The following NADSYN1 variants were observed in gnomAD, a reference collection of about 807,000 sequenced individuals.
NADSYN1 encodes glutamine-dependent NAD(+) synthetase.
A neutral mutation model predicts 99.3 loss-of-function variants in NADSYN1; 80 were observed. That is an observed-to-expected ratio of 0.81 (90% CI 0.67 to 0.97). NADSYN1 has a LOEUF of 0.97. Ranked by LOEUF, NADSYN1 falls within the 50% of genes least tolerant of loss-of-function variation. The probability of loss-of-function intolerance (pLI) is 0.00; values close to 1 mark genes in which losing one functional copy is unlikely to be tolerated. For missense variants in NADSYN1, 859 were observed against 948.5 expected (o/e 0.91, Z 1.24); for synonymous variants, 385 against 372.1 (o/e 1.03, Z -0.40).
intron 7 of NADSYN1, 43 bp from the exon 8 acceptor site, chr11:71,473,511 GGGAGGCTGGTTTGGA>G (rs1949643087): frequency 6.4e-7 from 1 of 1,553,394 alleles, no homozygotes; most frequent in African/African-American, 1.4e-5. Flanking sequence ...GGGGCTGCCA[GGGAGGCTGGTTTGGA>G]GGAGTCTGGT....
intron 5 of NADSYN1, among the ~76,000 whole-genome samples, chr11:71,471,113 G>A (rs1048953473): frequency 6.6e-6 from 1 of 152,142 alleles, no homozygotes. Context: ...TAAGTGTGGG[G>A]CTCCTGTTCC....
intron 15 of NADSYN1, chr11:71,484,866 C>A: frequency 5.0e-6 from 1 of 199,512 alleles, no homozygotes; most frequent in East Asian, 1.2e-4. Context: ...CTTGTGAGTG[C>A]TTGTGCAAAA....
rs1308524528 is a variant in NADSYN1 at position 71,472,480 on chromosome 11, A to G, written c.439A>G (p.Ile147Val). The change falls in exon 6 of 21, where the codon ATA (isoleucine) becomes GTA (valine). Residue 147 changes from isoleucine to valine, a missense_variant. Physicochemically the swap from Ile to Val is conservative, Grantham distance 29 (BLOSUM62 3). Coordinates refer to ENST00000319023, the MANE Select transcript of NADSYN1 (RefSeq NM_018161.5). ...AGAGGAGTACTTTCTGCCTCGGATGATACAGGACCTGACAAAGCAGGTGAG... is the reference window on the plus strand; with the variant it reads ...AGAGGAGTACTTTCTGCCTCGGATGGTACAGGACCTGACAAAGCAGGTGAG... Reference protein sequence around the residue: ...HTEEYFLPRMIQDLTKQETVP... With the variant: ...HTEEYFLPRMVQDLTKQETVP... 3.6e-5 allele frequency: 58 copies of G among 1,613,882 alleles called. No individual in the cohort carries two copies. Among genetic ancestry groups the G allele is most frequent in the Non-Finnish European group, 4.9e-5 (58 of 1,179,768 alleles).
Position 71,480,766 on chromosome 11 carries a change from G to A in NADSYN1, c.885G>A (p.Ala295=), listed in dbSNP as rs140126726. The A allele has an allele frequency of 2.2e-4, 355 of 1,614,118 alleles. No individual in the cohort carries two copies. In the African/African-American group the frequency reaches 2.5e-3, roughly 12 times the overall value. Residue 295 remains alanine (A), a synonymous_variant, in exon 11 of 21, where the codon GCG becomes GCA. Coordinates refer to ENST00000319023, the MANE Select transcript of NADSYN1 (RefSeq NM_018161.5). ...ATCTCCATTGCCAGGCCAGCAGGGCGAGCCCCTACCCCAGAGTGAAGGTGG... is the reference window on the plus strand; with the variant it reads ...ATCTCCATTGCCAGGCCAGCAGGGCAAGCCCCTACCCCAGAGTGAAGGTGG... The part of the protein sequence containing the change: ...ISSRNLAASR[A]SPYPRVKVDF...
At chr11:71,499,287 C>T (rs984384429) in intron 20 of NADSYN1, 10 of 152,184 alleles carry the variant, frequency 6.6e-5, no homozygotes, top group African/African-American at 2.4e-4. Flanking sequence ...GAGTTCATTT[C>T]CTGTCAGTTA....
intron 3 of NADSYN1, 128 bp downstream of exon 3, chr11:71,458,672 G>T: frequency 1.4e-6 from 1 of 699,752 alleles, no homozygotes; most frequent in Non-Finnish European, 2.5e-6. Context: ...AAGGCCTTAT[G>T]CTTGAAAAGT....
intron 20 of NADSYN1, among the ~76,000 whole-genome samples, chr11:71,500,693 G>T (rs1224528662): frequency 1.3e-5 from 2 of 152,196 alleles, no homozygotes; most frequent in African/African-American, 4.8e-5. Context: ...TGACTTAGAG[G>T]GTGGAAGGGA....
Position 71,482,869 on chromosome 11 carries a change from G to A in NADSYN1, c.1171G>A (p.Val391Ile), listed in dbSNP as rs1196020941. ...RSGNEEVLAD[V>I]RTIVNQISYT... ...TTCAGATGAGGAAGTGCTGGCTGATGTCCGCACCATCGTGAACCAGATCAG... is the reference window on the plus strand; with the variant it reads ...TTCAGATGAGGAAGTGCTGGCTGATATCCGCACCATCGTGAACCAGATCAG... Residue 391 changes from valine (V) to isoleucine (I), a missense_variant, in exon 14 of 21, where the codon GTC becomes ATC. Val to Ile is a conservative substitution (Grantham distance 29). Transcript: ENST00000319023. The A allele has an allele frequency of 6.2e-7, 1 of 1,612,628 alleles. No individual in the cohort carries two copies.
At chr11:71,485,760 CT>C in intron 16 of NADSYN1, 112 bp downstream of exon 16, 1 of 767,558 alleles carries the variant, frequency 1.3e-6, no homozygotes, top group Non-Finnish European at 2.0e-6. Context: ...GGTTTGGTGC[CT>C]GGAATGACAT....
chr11:71,498,563 T>C, intron 20 of NADSYN1, 35 bp downstream of exon 20: 1 of 1,605,784 alleles, frequency 6.2e-7, no homozygotes, highest in Non-Finnish European at 8.5e-7. Context: ...TCTCCATGTT[T>C]CATGTCTGTA....
At chr11:71,494,076 G>A (rs972540552) in intron 18 of NADSYN1, among the ~76,000 whole-genome samples, 1 of 152,180 alleles carries the variant, frequency 6.6e-6, no homozygotes, top group African/African-American at 2.4e-5. Context: ...AAATATATTT[G>A]TATTAATTGA....
At chr11:71,455,675 C>G (rs1399427210) in intron 2 of NADSYN1, among the ~76,000 whole-genome samples, 2 of 152,222 alleles carry the variant, frequency 1.3e-5, no homozygotes, top group Non-Finnish European at 2.9e-5. Flanking sequence ...CAGTCCTTAC[C>G]AGATACCAAA....
intron 5 of NADSYN1, chr11:71,466,588 C>G (rs1032005806): frequency 6.6e-6 from 1 of 152,260 alleles, no homozygotes; most frequent in African/African-American, 2.4e-5. Context: ...GCTGTAATTT[C>G]ACTCTCTCTG....
Position 71,501,645 on chromosome 11 carries a change from G to A in NADSYN1, c.*293G>A, listed in dbSNP as rs1949858451. 6 of 437,484 alleles carry A rather than the reference G, an allele frequency of 1.4e-5. No individual in the cohort carries two copies. The highest frequency in any genetic ancestry group is 4.0e-5 in the Admixed American group (1 of 24,740). 27.1% of individuals were successfully genotyped at this position (437,484 alleles called of 1,614,324 possible). Reference sequence around the variant, plus strand: ...CCGCCTGGGTAGGAGGGTTCCAACCGCCGCCCCGTGTGGCATCTTTGCTGC... The same window carrying A: ...CCGCCTGGGTAGGAGGGTTCCAACCACCGCCCCGTGTGGCATCTTTGCTGC... On this transcript the variant is annotated 3_prime_UTR_variant, in exon 21 of 21. Coordinates refer to ENST00000319023, the MANE Select transcript of NADSYN1 (RefSeq NM_018161.5).
chr11:71,501,046 G>T (rs1267219152), intron 20 of NADSYN1, among the ~76,000 whole-genome samples: 1 of 152,220 alleles, frequency 6.6e-6, no homozygotes, highest in African/African-American at 2.4e-5. Context: ...AGCCAAAAGA[G>T]TGACGCATGT....
At chr11:71,495,535 C>T (rs1395171542) in intron 18 of NADSYN1, among the ~76,000 whole-genome samples, 3 of 152,184 alleles carry the variant, frequency 2.0e-5, no homozygotes, top group Non-Finnish European at 2.9e-5. Flanking sequence ...CCAGGTCTCC[C>T]TGGTTGACAG....
chr11:71,494,712 C>T (rs981740751), intron 18 of NADSYN1, among the ~76,000 whole-genome samples: 7 of 152,034 alleles, frequency 4.6e-5, no homozygotes, highest in Admixed American at 2.0e-4. Flanking sequence ...TGCACCTCCA[C>T]GCCTGGCTAA....
intron 5 of NADSYN1, among the ~76,000 whole-genome samples, chr11:71,466,429 C>T (rs1949590455): frequency 6.6e-6 from 1 of 152,196 alleles, no homozygotes; most frequent in Non-Finnish European, 1.5e-5. Context: ...GGATGATGTG[C>T]TGGGCCTGGG....
At chr11:71,466,124 G>A (rs894607177) in intron 5 of NADSYN1, among the ~76,000 whole-genome samples, 1 of 152,120 alleles carries the variant, frequency 6.6e-6, no homozygotes, top group African/African-American at 2.4e-5. Flanking sequence ...TCTCTAGCTA[G>A]TCTTACTTCA....
Sources: gnomAD v4.1 joint callset for allele counts (sites outside exome capture counted in the v4.1 genomes callset) on GRCh38, gnomAD v4.1.1 for gene constraint, MANE v1.5 for transcripts, NCBI Gene and HGNC (gene_info 2026-07-23, HGNC 2026-07-21) for gene names.